The following TENM4 variants were observed in gnomAD, a reference collection of about 807,000 sequenced individuals.
TENM4 encodes teneurin transmembrane protein 4, also known as teneurin-4.
TENM4 carries 82 observed loss-of-function variants against 243.3 expected under a neutral mutation model. That is an observed-to-expected ratio of 0.34 (90% CI 0.28 to 0.40). The LOEUF is 0.40. TENM4 is among the 10% of genes least tolerant of loss of function. TENM4 has a pLI of 1.00. For missense variants in TENM4, 3,138 were observed against 3,673.3 expected (o/e 0.85, Z 3.77); for synonymous variants, 1,412 against 1,456.3 (o/e 0.97, Z 0.69).
Position 79,140,315 on chromosome 11 carries a change from G to C in TENM4, c.-66+8395C>G, listed in dbSNP as rs546264428. On this transcript the variant is annotated intron_variant, in intron 4 of 33. Coordinates refer to ENST00000278550, the MANE Select transcript of TENM4 (RefSeq NM_001098816.3). ...AAGACATACCATCCCCTTCCCTCCG[G>C]GCTCCCTACCCCCAAGGTTGGGCTA... 1.2e-3 allele frequency among the ~76,000 whole-genome samples: 185 copies of C among 152,106 alleles called. 3 individuals are homozygous for C. The highest frequency in any genetic ancestry group is 3.4e-3 in the Middle Eastern group (1 of 294).
At chr11:78,813,015 G>A (rs1857531806) in intron 13 of TENM4, among the ~76,000 whole-genome samples, 1 of 152,214 alleles carries the variant, frequency 6.6e-6, no homozygotes, top group African/African-American at 2.4e-5. Context: ...TGACTCTTAA[G>A]TGCATATGGG....
chr11:78,793,497 G>A (rs750407353), intron 15 of TENM4, among the ~76,000 whole-genome samples: 8 of 152,178 alleles, frequency 5.3e-5, no homozygotes, highest in Admixed American at 1.3e-4. Flanking sequence ...TTTTAATAGA[G>A]GGTTAATTTT....
intron 10 of TENM4, among the ~76,000 whole-genome samples, chr11:78,859,872 A>G (rs1244023107): frequency 6.6e-6 from 1 of 152,258 alleles, no homozygotes; most frequent in Non-Finnish European, 1.5e-5. Context: ...CAATTCAACC[A>G]TCAGAAATGC....
chr11:79,316,163 G>A (rs1467963448), intron 1 of TENM4, among the ~76,000 whole-genome samples: 1 of 152,144 alleles, frequency 6.6e-6, no homozygotes, highest in Non-Finnish European at 1.5e-5. Context: ...AGGAGAGGAA[G>A]CAGATAGTGG....
chr11:79,399,068 G>A (rs538846187), intron 1 of TENM4, among the ~76,000 whole-genome samples: 1 of 152,248 alleles, frequency 6.6e-6, no homozygotes, highest in East Asian at 1.9e-4. Flanking sequence ...TATTCAGCAG[G>A]GAGATGTCAC....
At chr11:79,120,758 T>C (rs563843975) in intron 4 of TENM4, among the ~76,000 whole-genome samples, 33 of 152,320 alleles carry the variant, frequency 2.2e-4, no homozygotes, top group African/African-American at 7.7e-4. Flanking sequence ...AATCACAAAG[T>C]ATGGTTTCAT....
intron 12 of TENM4, among the ~76,000 whole-genome samples, chr11:78,849,652 G>C (rs1039564079): frequency 6.6e-6 from 1 of 152,226 alleles, no homozygotes; most frequent in Non-Finnish European, 1.5e-5. Context: ...GGGGTTTGAT[G>C]CTGGGAAGAA....
At chr11:78,727,434 CA>C (rs397973910) in intron 22 of TENM4, among the ~76,000 whole-genome samples, 1,341 of 93,208 alleles carry the variant, frequency 0.014, 11 homozygotes, top group African/African-American at 0.033. Flanking sequence ...GACTCCGCCT[CA>C]AAAAAAAAAA....
intron 3 of TENM4, among the ~76,000 whole-genome samples, chr11:79,153,384 G>A (rs143628554): frequency 1.1e-4 from 16 of 152,278 alleles, no homozygotes; most frequent in Admixed American, 3.3e-4. Flanking sequence ...ATTGCAGCAA[G>A]GGCCAGGGGC....
At position 78,903,297 on chromosome 11, in the gene TENM4, C is replaced by G. The variant is rs1855976558; in HGVS notation, c.720G>C (p.Leu240=). 1 of 1,487,272 alleles carries G rather than the reference C, an allele frequency of 6.7e-7. No homozygotes were observed. Among genetic ancestry groups the G allele is most frequent in the African/African-American group, 1.5e-5 (1 of 67,880 alleles). The allele number at this position is 1,487,272 out of a possible 1,614,324, so 92.1% of individuals were successfully genotyped here. A position where few individuals can be genotyped will look rare whatever the true frequency, so the allele number is the denominator to read the frequency against. Residue 240 remains leucine (L), a synonymous_variant, in exon 7 of 34, where the codon CTG becomes CTC. Transcript: ENST00000278550. ...TCTCCAGGGGGATGTTGCTGTTGAGCAGCCAGTTCTCCTGGGCGTGGGCAG... is the reference window on the plus strand; with the variant it reads ...TCTCCAGGGGGATGTTGCTGTTGAGGAGCCAGTTCTCCTGGGCGTGGGCAG... ...QEPAHAQENW[L]LNSNIPLETR... is the part of the protein sequence containing the mutation.
intron 4 of TENM4, among the ~76,000 whole-genome samples, chr11:79,140,493 C>G (rs1363081041): frequency 6.6e-6 from 1 of 152,068 alleles, no homozygotes; most frequent in Non-Finnish European, 1.5e-5. Context: ...TATTTACCCT[C>G]CTGTTTAAGA....
At chr11:79,374,304 T>C (rs572507681) in intron 1 of TENM4, among the ~76,000 whole-genome samples, 1 of 152,112 alleles carries the variant, frequency 6.6e-6, no homozygotes, top group Non-Finnish European at 1.5e-5. Flanking sequence ...GGGGAGGACA[T>C]CTGTGTCCCT....
intron 3 of TENM4, among the ~76,000 whole-genome samples, chr11:79,164,744 G>C (rs1160067308): frequency 6.6e-6 from 1 of 151,386 alleles, no homozygotes; most frequent in Non-Finnish European, 1.5e-5. Flanking sequence ...TAGTCAAAAA[G>C]TCTCACAAGA....
chr11:79,408,023 C>G (rs1325873731), intron 1 of TENM4, among the ~76,000 whole-genome samples: 2 of 152,026 alleles, frequency 1.3e-5, no homozygotes, highest in Non-Finnish European at 2.9e-5. Flanking sequence ...TCTGCCTCAG[C>G]CTCCCAAGTA....
chr11:79,082,963 G>A (rs916980703), intron 4 of TENM4, among the ~76,000 whole-genome samples: 12 of 152,164 alleles, frequency 7.9e-5, no homozygotes, highest in African/African-American at 2.9e-4. Context: ...ATAATTAGCC[G>A]CTGTAAGTCA....
At chr11:78,754,365 C>T (rs1856256334) in intron 19 of TENM4, among the ~76,000 whole-genome samples, 1 of 152,214 alleles carries the variant, frequency 6.6e-6, no homozygotes. Context: ...ATACCGAGAC[C>T]TGTGTGCAGG....
chr11:78,733,845 TAAG>T (rs1301645861), intron 20 of TENM4, among the ~76,000 whole-genome samples: 1 of 152,122 alleles, frequency 6.6e-6, no homozygotes, highest in Non-Finnish European at 1.5e-5. Flanking sequence ...TCTGCTGAAT[TAAG>T]AAGAGGGCAT....
intron 12 of TENM4, among the ~76,000 whole-genome samples, chr11:78,819,886 G>A (rs1857689821): frequency 6.6e-6 from 1 of 152,122 alleles, no homozygotes; most frequent in African/African-American, 2.4e-5. Flanking sequence ...TATACCCATT[G>A]CCAGAGATCT....
intron 3 of TENM4, among the ~76,000 whole-genome samples, chr11:79,202,997 CA>C (rs1863775900): frequency 6.6e-6 from 1 of 152,052 alleles, no homozygotes; most frequent in Admixed American, 6.5e-5. Flanking sequence ...TCATTTTACA[CA>C]GGAAGAAAAT....
Sources: allele counts gnomAD v4.1 joint callset (sites outside exome capture counted in the v4.1 genomes callset), GRCh38; gene constraint gnomAD v4.1.1; transcripts MANE v1.5; gene names NCBI Gene and HGNC (gene_info 2026-07-23, HGNC 2026-07-21).